The following SUN1 variants were observed in gnomAD, a reference collection of about 807,000 sequenced individuals.
SUN1 encodes the protein SUN domain-containing protein 1.
A neutral mutation model predicts 103.2 loss-of-function variants in SUN1; 61 were observed. The observed-to-expected ratio is 0.59, with a 90% CI of 0.48 to 0.73. The LOEUF is 0.73. SUN1 is among the 30% of genes least tolerant of loss of function. SUN1 has a pLI of 0.00. For synonymous variants in SUN1, 490 were observed against 425.7 expected (o/e 1.15, Z -1.86); for missense variants, 1,052 against 1,034.6 (o/e 1.02, Z -0.23).
At position 873,866 on chromosome 7, in the gene SUN1, A is replaced by G. The variant is rs1417936861; in HGVS notation, c.*535A>G. 1 of 152,880 alleles carries G rather than the reference A, an allele frequency of 6.5e-6. No homozygotes were observed. The highest frequency in any genetic ancestry group is 1.5e-5 in the Non-Finnish European group (1 of 68,240). 9.5% of individuals were successfully genotyped at this position (152,880 alleles called of 1,614,324 possible). The stretch of plus-strand genomic sequence containing the variant: ...AGGTACTAAGTCTCCAGATGGGGAA[A>G]TAACTAAAATGTGTTTTTCTGCTTT... On this transcript the variant is annotated 3_prime_UTR_variant, in exon 19 of 19. Transcript: ENST00000401592.
upstream of SUN1, among the ~76,000 whole-genome samples, chr7:830,217 C>G (rs910260273): frequency 6.6e-6 from 1 of 152,208 alleles, no homozygotes; most frequent in Non-Finnish European, 1.5e-5. Context: ...GCGCAGAGCA[C>G]CTGCCTTGGG....
At chr7:843,177 T>G (rs757705171) in intron 3 of SUN1, 29 bp from the exon 4 acceptor site, 1 of 1,548,062 alleles carries the variant, frequency 6.5e-7, no homozygotes, top group African/African-American at 1.5e-5. Flanking sequence ...ACAGCAAAAA[T>G]GTGTGTGTGT....
chr7:855,026 C>A lies in SUN1; in HGVS notation c.1350+20C>A, dbSNP rs748866752. On this transcript the variant is annotated intron_variant, in intron 11 of 18. Coordinates refer to ENST00000401592, the MANE Select transcript of SUN1 (RefSeq NM_001130965.3). ...TCTGAGGTATTTATTTTTGACCTTA[C>A]GCTTTTTTAAAATAAAAAGAAAATC... 2 of 1,573,670 alleles carry A rather than the reference C, an allele frequency of 1.3e-6. No homozygotes were observed. Among genetic ancestry groups the A allele is most frequent in the Non-Finnish European group, 1.7e-6 (2 of 1,150,378 alleles).
At chr7:823,072 G>T (rs946034895) in intron 1 of SUN1, among the ~76,000 whole-genome samples, 4 of 152,284 alleles carry the variant, frequency 2.6e-5, no homozygotes, top group Admixed American at 6.5e-5. Context: ...GTAAGGAGTA[G>T]AGAGCGGTGG....
Position 861,305 on chromosome 7 carries a change from C to T in SUN1, c.1780-75C>T, listed in dbSNP as rs1490203305. ...TGCTCTAATGTAAGTGTCTGGTCCT[C>T]ATCCATGGCACTAAAACCCACGTCT... On this transcript the variant is annotated intron_variant, in intron 14 of 18. Coordinates refer to ENST00000401592, the MANE Select transcript of SUN1 (RefSeq NM_001130965.3). 23 of 1,442,464 alleles carry T rather than the reference C, an allele frequency of 1.6e-5. No individual in the cohort carries two copies. The East Asian group carries it at 5.0e-4, about 31-fold the overall frequency. 89.4% of individuals were successfully genotyped at this position (1,442,464 alleles called of 1,614,324 possible).
upstream of SUN1, among the ~76,000 whole-genome samples, chr7:830,113 A>G (rs1796565447): frequency 6.6e-6 from 1 of 152,176 alleles, no homozygotes; most frequent in Non-Finnish European, 1.5e-5. Context: ...GGAAGGAGGA[A>G]GGAGGGAGTG....
chr7:836,721 G>A (rs532731043), intron 1 of SUN1, among the ~76,000 whole-genome samples: 1 of 152,342 alleles, frequency 6.6e-6, no homozygotes, highest in Non-Finnish European at 1.5e-5. Context: ...CTGTCATCCA[G>A]AAATAACCTC....
intron 1 of SUN1, among the ~76,000 whole-genome samples, chr7:836,148 T>TG (rs1286416830): frequency 6.6e-6 from 1 of 151,988 alleles, no homozygotes. Context: ...TTTTTTACCG[T>TG]GGGCTGAGCC....
chr7:840,694 T>C (rs6971094), intron 2 of SUN1, among the ~76,000 whole-genome samples: 69,336 of 147,548 alleles, frequency 0.47, 16,339 homozygotes, highest in East Asian at 0.66. Flanking sequence ...CAGGCTGGAG[T>C]GCAGTGGTGC....
intron 5 of SUN1, among the ~76,000 whole-genome samples, chr7:849,248 C>A (rs74590968): frequency 0.11 from 17,501 of 152,326 alleles, 1,179 homozygotes; most frequent in South Asian, 0.23. Context: ...GCAACTGCGC[C>A]CAACCCAGAA....
intron 1 of SUN1, among the ~76,000 whole-genome samples, chr7:826,312 G>C (rs954472763): frequency 1.3e-5 from 2 of 152,244 alleles, no homozygotes; most frequent in Non-Finnish European, 2.9e-5. Context: ...CCTGGTCTGG[G>C]GTGCTTAAGG....
chr7:838,904 G>T lies in SUN1; in HGVS notation c.184G>T (p.Ala62Ser), dbSNP rs199540623. Residue 62 changes from alanine (A) to serine (S), a missense_variant, in exon 2 of 19, where the codon GCA (alanine) becomes TCA (serine). Physicochemically the swap from Ala to Ser is moderately conservative, Grantham distance 99. Coordinates refer to ENST00000401592, the MANE Select transcript of SUN1 (RefSeq NM_001130965.3). ...SRRSLRLATT[A>S]CTLGDGEAVG... ...CCGTAGTTTGCGCCTGGCCACGACA[G>T]CATGCACCCTGGGGGATGGTGAGGC... 1 of 1,611,298 alleles carries T rather than the reference G, an allele frequency of 6.2e-7. No homozygotes were observed.
In SUN1 at chr7:843,224, A is replaced by G. The variant is rs780997836; in HGVS notation, c.470A>G (p.Asp157Gly). ...DHFWGLDDDG[D>G]LKGGNKAAIQ... Reference sequence around the variant, plus strand: ...TTTTTAGGTCTTGATGATGATGGTGATCTTAAAGGTAATTATTTTAGTCCT... The same window carrying G: ...TTTTTAGGTCTTGATGATGATGGTGGTCTTAAAGGTAATTATTTTAGTCCT... Residue 157 changes from aspartate (D) to glycine (G), a missense_variant, in exon 4 of 19, where the codon GAT becomes GGT. Around this residue, in one of 2 missense-constraint regions of SUN1, gnomAD observed 846 missense variants for 774.5 expected, o/e 1.09. Coordinates refer to ENST00000401592, the MANE Select transcript of SUN1 (RefSeq NM_001130965.3). 1.9e-6 allele frequency: 3 copies of G among 1,608,420 alleles called. No homozygotes were observed. Among genetic ancestry groups the G allele is most frequent in the Non-Finnish European group, 2.5e-6 (3 of 1,179,532 alleles).
intron 1 of SUN1, among the ~76,000 whole-genome samples, chr7:835,524 C>G (rs562621410): frequency 1.3e-5 from 2 of 152,246 alleles, no homozygotes; most frequent in South Asian, 4.2e-4. Context: ...AAACAGGATC[C>G]TCATGTTACA....
At chr7:843,287 T>G in intron 4 of SUN1, 54 bp from the exon 5 acceptor site, 1 of 1,604,136 alleles carries the variant, frequency 6.2e-7, no homozygotes, top group South Asian at 1.1e-5. Flanking sequence ...AAGTTTTAGT[T>G]AAATATCTGC....
chr7:822,594 G>A (rs1241974444), intron 1 of SUN1, among the ~76,000 whole-genome samples: 2 of 150,662 alleles, frequency 1.3e-5, no homozygotes, highest in African/African-American at 4.9e-5. Flanking sequence ...AGCTGTATCT[G>A]CAGTATGAAA....
chr7:867,807 G>A (rs1049677319), intron 16 of SUN1, among the ~76,000 whole-genome samples: 9 of 152,240 alleles, frequency 5.9e-5, no homozygotes, highest in Non-Finnish European at 8.8e-5. Context: ...ACCGTTGGGC[G>A]GAGGGTGTGG....
At chr7:864,064 A>C (rs1834323622) in intron 15 of SUN1, among the ~76,000 whole-genome samples, 2 of 152,230 alleles carry the variant, frequency 1.3e-5, no homozygotes, top group Admixed American at 1.3e-4. Context: ...TTTCAAACTT[A>C]TGTATTTTAA....
intron 17 of SUN1, among the ~76,000 whole-genome samples, chr7:871,659 A>T (rs1841798187): frequency 6.6e-6 from 1 of 152,192 alleles, no homozygotes; most frequent in African/African-American, 2.4e-5. Context: ...AAGTGCTGGG[A>T]TTACAGGCGT....
Sources: gnomAD v4.1 joint callset for allele counts (sites outside exome capture counted in the v4.1 genomes callset) on GRCh38, gnomAD v4.1.1 for gene constraint, gnomAD v4.1.1 regional missense constraint, MANE v1.5 for transcripts, NCBI Gene and HGNC (gene_info 2026-07-23, HGNC 2026-07-21) for gene names.